Variants in CDC42EP1 observed in about 807,000 individuals in gnomAD.
CDC42EP1 encodes the protein 55 kDa bone marrow stromal/endothelial cell protein.
In CDC42EP1, 6 loss-of-function variants were observed where a neutral mutation model predicts 7.4. That is an observed-to-expected ratio of 0.81 (90% CI 0.44 to 1.60). The LOEUF is 1.60. CDC42EP1 is among the 40% of genes most tolerant of loss of function. The probability of loss-of-function intolerance (pLI) is 0.01; values close to 1 mark genes in which losing one functional copy is unlikely to be tolerated. For missense variants in CDC42EP1, 567 were observed against 539.0 expected, an observed-to-expected ratio of 1.05 and a Z score of -0.51; for synonymous variants, 238 against 227.1, an observed-to-expected ratio of 1.05 and a Z score of -0.43.
chr22:37,566,785 A>G lies in CDC42EP1; in HGVS notation c.436A>G (p.Ser146Gly). ...GCTCAGCTTCGACAGCAGCCCCACCAGCTCCACGGACGGCCACTCCAGCTA... is the reference window on the plus strand; with the variant it reads ...GCTCAGCTTCGACAGCAGCCCCACCGGCTCCACGGACGGCCACTCCAGCTA... ...GKLSFDSSPT[S>G]STDGHSSYGL... is the part of the protein sequence containing the mutation. The change falls in exon 2 of 3, where the codon AGC becomes GGC. Residue 146 changes from serine to glycine, a missense_variant. Ser to Gly is a moderately conservative substitution (Grantham distance 56). Transcript: ENST00000249014. This position sits in a 1 kb window ranked among gnomAD's most constrained non-coding sequence, Gnocchi z 6.4. 1 of 1,571,526 alleles carries G rather than the reference A, an allele frequency of 6.4e-7. No homozygotes were observed. Among genetic ancestry groups the G allele is most frequent in the Non-Finnish European group, 8.6e-7 (1 of 1,160,062 alleles).
At position 37,568,863 on chromosome 22, in the gene CDC42EP1, C is replaced by A. The variant is rs752566071; in HGVS notation, c.*43C>A. 1 of 1,343,332 alleles carries A rather than the reference C, an allele frequency of 7.4e-7. No homozygotes were observed. The highest frequency in any genetic ancestry group is 9.8e-7 in the Non-Finnish European group (1 of 1,018,186). The allele number at this position is 1,343,332 out of a possible 1,614,324, so 83.2% of individuals were successfully genotyped here. ...CCAGGGCCCCACCTAGGTGCAGAGC[C>A]GGCCCCTCACCTAACAGCTGGTTCC... On this transcript the variant is annotated 3_prime_UTR_variant, in exon 3 of 3. Coordinates refer to ENST00000249014, the MANE Select transcript of CDC42EP1 (RefSeq NM_152243.3).
chr22:37,568,030 C>A, intron 2 of CDC42EP1, 78 bp from the exon 3 acceptor site: 1 of 1,306,388 alleles, frequency 7.7e-7, no homozygotes, highest in Non-Finnish European at 1.1e-6. Context: ...CACAGCAAGC[C>A]AGGACTGGTC....
Position 37,568,799 on chromosome 22 carries a change from G to A in CDC42EP1, c.1155G>A (p.Glu385=), listed in dbSNP as rs756818066. 19 of 1,495,654 alleles carry A rather than the reference G, an allele frequency of 1.3e-5. No individual in the cohort carries two copies. The highest frequency in any genetic ancestry group is 1.7e-5 in the Non-Finnish European group (19 of 1,121,822). The allele number at this position is 1,495,654 out of a possible 1,614,324, so 92.6% of individuals were successfully genotyped here. A position where few individuals can be genotyped will look rare whatever the true frequency, so the allele number is the denominator to read the frequency against. The change falls in exon 3 of 3, where the codon GAG becomes GAA. Residue 385 remains glutamate (E), a synonymous_variant. Transcript: ENST00000249014. ...CCTTTGAATTTGCGGATGCTGAGGA[G>A]GATGATGAGGTCAAGGTGTGAGGGG... is the stretch of plus-strand genomic sequence containing the variant. ...ANTFEFADAE[E]DDEVKV is the part of the protein sequence containing the mutation.
rs921442262 is a variant in CDC42EP1, at chr22:37,569,358, C to T, written c.*538C>T. ...GGAGGAATCCCACCTGCCTGTATAC[C>T]CCAGACTTGCCTCTGGGGCCTGATT... is the stretch of plus-strand genomic sequence containing the variant. On this transcript the variant is annotated 3_prime_UTR_variant, in exon 3 of 3. Transcript: ENST00000249014. 3 of 152,506 alleles carry T rather than the reference C, an allele frequency of 2.0e-5. No homozygotes were observed. In the East Asian group the frequency reaches 5.8e-4, roughly 29 times the overall value. 9.4% of individuals were successfully genotyped at this position (152,506 alleles called of 1,614,324 possible).
intron 1 of CDC42EP1, among the ~76,000 whole-genome samples, chr22:37,564,802 G>T (rs557591430): frequency 1.3e-5 from 2 of 152,160 alleles, no homozygotes; most frequent in African/African-American, 4.8e-5. Flanking sequence ...TTTGTGAGAC[G>T]GAGTCTCGCT....
chr22:37,566,653 CCCCCTGCACCCT>C lies in CDC42EP1; in HGVS notation c.309_320del (p.Ser106_Pro109del), dbSNP rs1338855965. 6.2e-7 allele frequency: 1 copy of C among 1,602,930 alleles called. No individual in the cohort carries two copies. The highest frequency in any genetic ancestry group is 1.3e-5 in the African/African-American group (1 of 74,740). The stretch of plus-strand genomic sequence containing the variant: ...GGCGCCCCCCCGGAGGATGGCATCT[CCCCCTGCACCCT>C]CCCCGGCTCCACCGGCCATCTCCCC... On this transcript the variant is annotated inframe_deletion, in exon 2 of 3. Transcript: ENST00000249014. The surrounding 1 kb of genome is among the most constrained non-coding windows in gnomAD (Gnocchi z 6.4).
chr22:37,568,673 G>T lies in CDC42EP1; in HGVS notation c.1029G>T (p.Val343=). ...ATGCGCGGCAGGAGCGGGTGGAGGT[G>T]CTGCCCCAAGCCCGGGCCTCCTGGG... ...EMDARQERVE[V]LPQARASWES... The change falls in exon 3 of 3, where the codon GTG becomes GTT. Residue 343 remains valine, a synonymous_variant. Coordinates refer to ENST00000249014, the MANE Select transcript of CDC42EP1 (RefSeq NM_152243.3). 1 of 1,550,722 alleles carries T rather than the reference G, an allele frequency of 6.4e-7. No homozygotes were observed.
Position 37,568,662 on chromosome 22 carries a change from C to T in CDC42EP1, c.1018C>T (p.Arg340Trp), listed in dbSNP as rs151246455. 2.2e-5 allele frequency: 35 copies of T among 1,558,902 alleles called. No homozygotes were observed. The African/African-American group carries it at 2.3e-4, about 10-fold the overall frequency. The part of the protein sequence containing the change: ...HYPEMDARQE[R>W]VEVLPQARAS... The stretch of plus-strand genomic sequence containing the variant: ...CCCAGAGATGGATGCGCGGCAGGAG[C>T]GGGTGGAGGTGCTGCCCCAAGCCCG... Residue 340 changes from arginine (R) to tryptophan (W), a missense_variant, in exon 3 of 3, where the codon CGG (arginine) becomes TGG (tryptophan). Transcript: ENST00000249014.
Position 37,566,169 on chromosome 22 carries a change from C to A in CDC42EP1, c.-181C>A. Reference sequence around the variant, plus strand: ...GCTTCTGAGGGGCTGGGAGCCGGGCCCCTGGGAGAGACGAGCCATGAACCC... The same window carrying A: ...GCTTCTGAGGGGCTGGGAGCCGGGCACCTGGGAGAGACGAGCCATGAACCC... On this transcript the variant is annotated 5_prime_UTR_variant, in exon 2 of 3. Transcript: ENST00000249014. The surrounding 1 kb of genome is among the most constrained non-coding windows in gnomAD (Gnocchi z 6.4). The A allele has an allele frequency of 2.2e-6, 1 of 462,264 alleles. No homozygotes were observed. Among genetic ancestry groups the A allele is most frequent in the Non-Finnish European group, 3.8e-6 (1 of 262,970 alleles). 28.6% of individuals were successfully genotyped at this position (462,264 alleles called of 1,614,324 possible). A position where few individuals can be genotyped will look rare whatever the true frequency, so the allele number is the denominator to read the frequency against.
In CDC42EP1 at chr22:37,568,412, TGCAAACCCCTCAGCACCTGCC is replaced by T. The variant is rs1334841332; in HGVS notation, c.773_793del (p.Asn258_Ala264del). On this transcript the variant is annotated inframe_deletion, in exon 3 of 3. Transcript: ENST00000249014. Reference sequence around the variant, plus strand: ...CTACTGCAAACCCCCCAGCGCCTGCTGCAAACCCCTCAGCACCTGCCGCAACCCCCACGGGTCCTGCTGCAA... The same window carrying T: ...CTACTGCAAACCCCCCAGCGCCTGCTGCAACCCCCACGGGTCCTGCTGCAA... The T allele has an allele frequency of 4.1e-5, 14 of 343,028 alleles. No homozygotes were observed. Among genetic ancestry groups the T allele is most frequent in the South Asian group, 1.0e-4 (2 of 19,542 alleles). The allele number at this position is 343,028 out of a possible 1,614,324, so 21.2% of individuals were successfully genotyped here.
chr22:37,560,963 C>T (rs1601835237), intron 1 of CDC42EP1, among the ~76,000 whole-genome samples: 1 of 151,574 alleles, frequency 6.6e-6, no homozygotes, highest in East Asian at 2.0e-4. Context: ...AATGTCTCCC[C>T]TCCGCCGAGG....
At chr22:37,567,326 A>G (rs1276593394) in intron 2 of CDC42EP1, among the ~76,000 whole-genome samples, 2 of 152,194 alleles carry the variant, frequency 1.3e-5, no homozygotes, top group African/African-American at 4.8e-5. Context: ...GTAGGTGCTC[A>G]GGACACTGGA....
chr22:37,566,848 G>A lies in CDC42EP1; in HGVS notation c.463+36G>A. The A allele has an allele frequency of 6.9e-7, 1 of 1,456,268 alleles. No homozygotes were observed. The highest frequency in any genetic ancestry group is 1.4e-5 in the South Asian group (1 of 73,928). 90.2% of individuals were successfully genotyped at this position (1,456,268 alleles called of 1,614,324 possible). On this transcript the variant is annotated intron_variant, in intron 2 of 2. Transcript: ENST00000249014. The surrounding 1 kb of genome is among the most constrained non-coding windows in gnomAD (Gnocchi z 6.4). The stretch of plus-strand genomic sequence containing the variant: ...GGGCCATCTTGGCCCACTTTTCAGA[G>A]GCTGAGGCTGAGGCCCAGAGGGGTT...
In CDC42EP1 at chr22:37,568,617, T is replaced by G; in HGVS notation, c.973T>G (p.Trp325Gly). The G allele has an allele frequency of 1.3e-6, 2 of 1,592,004 alleles. No homozygotes were observed. The highest frequency in any genetic ancestry group is 1.3e-5 in the African/African-American group (1 of 74,742). Residue 325 changes from tryptophan to glycine, a missense_variant, in exon 3 of 3, where the codon TGG becomes GGG. Coordinates refer to ENST00000249014, the MANE Select transcript of CDC42EP1 (RefSeq NM_152243.3). ...CCTCGGCAGGCACTGGGGAGCAGGC[T>G]GGGATGGCGGCCACCACTACCCAGA... ...PALGRHWGAG[W>G]DGGHHYPEMD...
rs899865357 is a variant in CDC42EP1, at chr22:37,569,141, G to A, written c.*321G>A. 1.8e-5 allele frequency: 4 copies of A among 228,320 alleles called. No individual in the cohort carries two copies. Among genetic ancestry groups the A allele is most frequent in the Admixed American group, 1.1e-4 (2 of 17,502 alleles). 14.1% of individuals were successfully genotyped at this position (228,320 alleles called of 1,614,324 possible). A position where few individuals can be genotyped will look rare whatever the true frequency, so the allele number is the denominator to read the frequency against. On this transcript the variant is annotated 3_prime_UTR_variant, in exon 3 of 3. Coordinates refer to ENST00000249014, the MANE Select transcript of CDC42EP1 (RefSeq NM_152243.3). The stretch of plus-strand genomic sequence containing the variant: ...GTGTGTCCTTTGTGCCAGACCAAGC[G>A]GCCCGTGGGGGGTGGGGGGCAGGGA...
chr22:37,561,124 T>C (rs1925024919), intron 1 of CDC42EP1, among the ~76,000 whole-genome samples: 1 of 151,978 alleles, frequency 6.6e-6, no homozygotes, highest in Non-Finnish European at 1.5e-5. Context: ...GGTCGTCCCC[T>C]TCCCCCGCGG....
chr22:37,564,822 A>C (rs561810849), intron 1 of CDC42EP1, among the ~76,000 whole-genome samples: 8 of 152,348 alleles, frequency 5.3e-5, no homozygotes, highest in African/African-American at 1.9e-4. Context: ...TCTGTCGCAC[A>C]GGCTGGAGTG....
At position 37,568,475 on chromosome 22, in the gene CDC42EP1, C is replaced by T. The variant is rs780505310; in HGVS notation, c.831C>T (p.Ala277=). ...TGPAANPPAP[A]ASSTPHGHCP... Reference sequence around the variant, plus strand: ...CTGCTGCAAATCCCCCAGCCCCTGCCGCAAGCTCCACACCCCATGGACACT... The same window carrying T: ...CTGCTGCAAATCCCCCAGCCCCTGCTGCAAGCTCCACACCCCATGGACACT... Residue 277 remains alanine (A), a synonymous_variant, in exon 3 of 3, where the codon GCC becomes GCT. Coordinates refer to ENST00000249014, the MANE Select transcript of CDC42EP1 (RefSeq NM_152243.3). 8 of 1,605,644 alleles carry T rather than the reference C, an allele frequency of 5.0e-6. No individual in the cohort carries two copies. Among genetic ancestry groups the T allele is most frequent in the African/African-American group, 4.0e-5 (3 of 74,734 alleles).
chr22:37,567,927 G>T (rs1925304100), intron 2 of CDC42EP1, among the ~76,000 whole-genome samples, 181 bp from the exon 3 acceptor site: 1 of 152,192 alleles, frequency 6.6e-6, no homozygotes, highest in Non-Finnish European at 1.5e-5. Context: ...TTTCGGGGTA[G>T]ACAGGAAGAT....
Sources: allele counts gnomAD v4.1 joint callset (sites outside exome capture counted in the v4.1 genomes callset), GRCh38; gene constraint gnomAD v4.1.1; non-coding constraint Gnocchi (gnomAD v3.1); transcripts MANE v1.5; gene names NCBI Gene and HGNC (gene_info 2026-07-23, HGNC 2026-07-21).